The following FRMPD1 variants were observed in gnomAD, a reference collection of about 807,000 sequenced individuals.
The protein encoded by FRMPD1 is FERM and PDZ domain containing 1, also known as FERM and PDZ domain-containing protein 1.
A neutral mutation model predicts 117.8 loss-of-function variants in FRMPD1; 76 were observed. The ratio of observed to expected loss-of-function variants is 0.65; its 90% confidence interval spans 0.54 to 0.78. The LOEUF is 0.78. FRMPD1 is among the 30% of genes least tolerant of loss of function. The pLI, the probability that FRMPD1 is intolerant of heterozygous loss-of-function variation, is 0.00. For synonymous variants in FRMPD1, 783 were observed against 770.4 expected, an observed-to-expected ratio of 1.02 and a Z score of -0.27; for missense variants, 1,786 against 1,964.5, an observed-to-expected ratio of 0.91 and a Z score of 1.72.
the FRMPD1 span, among the ~76,000 whole-genome samples, chr9:37,627,986 G>A: frequency 6.6e-5 from 10 of 152,138 alleles, no homozygotes; most frequent in Non-Finnish European, 1.0e-4. Context: ...AGGTGCTCAG[G>A]AATAGGACCG....
chr9:37,648,642 T>A (rs1369170499), upstream of FRMPD1, among the ~76,000 whole-genome samples: 1 of 151,984 alleles, frequency 6.6e-6, no homozygotes, highest in Admixed American at 6.6e-5. Flanking sequence ...GAGACAGAGT[T>A]GATTGGACTT....
chr9:37,630,820 T>G, the FRMPD1 span, among the ~76,000 whole-genome samples: 2 of 152,176 alleles, frequency 1.3e-5, no homozygotes, highest in African/African-American at 2.4e-5. Context: ...TTTGTGGAGC[T>G]CCCATGATTT....
Position 37,729,864 on chromosome 9 carries a change from C to T in FRMPD1, c.738+11C>T. 1 of 1,612,042 alleles carries T rather than the reference C, an allele frequency of 6.2e-7. No homozygotes were observed. The highest frequency in any genetic ancestry group is 8.5e-7 in the Non-Finnish European group (1 of 1,179,082). On this transcript the variant is annotated intron_variant, in intron 8 of 15. Coordinates refer to ENST00000377765, the MANE Select transcript of FRMPD1 (RefSeq NM_014907.3). ...GAACTCATCCAGCAGGTAGGGAGGA[C>T]TGACCGCCTGTTCCTGGGAGGCATG... is the stretch of plus-strand genomic sequence containing the variant.
chr9:37,610,593 T>C, the FRMPD1 span, among the ~76,000 whole-genome samples: 3 of 115,670 alleles, frequency 2.6e-5, no homozygotes, highest in East Asian at 1.8e-3. Context: ...AACTATCACA[T>C]TCTTTTTTTT....
At chr9:37,640,343 G>T in the FRMPD1 span, among the ~76,000 whole-genome samples, 1 of 152,190 alleles carries the variant, frequency 6.6e-6, no homozygotes, top group Non-Finnish European at 1.5e-5. Flanking sequence ...AGTTATGGGG[G>T]AAGAAGGGGT....
rs41304841 is a variant in FRMPD1, at chr9:37,740,007, G to A, written c.1550-71G>A. 6.6e-3 allele frequency: 7,804 copies of A among 1,188,718 alleles called. 39 individuals are homozygous for A. The highest frequency in any genetic ancestry group is 7.6e-3 in the Non-Finnish European group (6,329 of 834,184). 73.6% of individuals were successfully genotyped at this position (1,188,718 alleles called of 1,614,324 possible). On this transcript the variant is annotated intron_variant, in intron 14 of 15. Coordinates refer to ENST00000377765, the MANE Select transcript of FRMPD1 (RefSeq NM_014907.3). This position sits in a 1 kb window ranked among gnomAD's most constrained non-coding sequence, Gnocchi z 4.2. ...TCTCGTCTGGCAGGGTTGGGTGGGGGTCAGGGGGCTAGAAGGACACATAGG... is the reference window on the plus strand; with the variant it reads ...TCTCGTCTGGCAGGGTTGGGTGGGGATCAGGGGGCTAGAAGGACACATAGG...
At chr9:37,710,842 C>T (rs1158066846) in intron 4 of FRMPD1, among the ~76,000 whole-genome samples, 6 of 151,586 alleles carry the variant, frequency 4.0e-5, no homozygotes, top group African/African-American at 1.5e-4. Flanking sequence ...CCTGTAGTCC[C>T]AGCTACTCGG....
At chr9:37,722,646 G>C (rs1823447800) in intron 6 of FRMPD1, among the ~76,000 whole-genome samples, 1 of 152,182 alleles carries the variant, frequency 6.6e-6, no homozygotes, top group East Asian at 1.9e-4. Flanking sequence ...ATAGAGATGA[G>C]TGCAGGGGGG....
At chr9:37,612,568 G>C in the FRMPD1 span, among the ~76,000 whole-genome samples, 1 of 148,448 alleles carries the variant, frequency 6.7e-6, no homozygotes, top group African/African-American at 2.5e-5. Context: ...TGCCAGGCTG[G>C]AGTGCAGTGG....
At chr9:37,683,440 C>T (rs943095817) in intron 1 of FRMPD1, among the ~76,000 whole-genome samples, 1 of 152,204 alleles carries the variant, frequency 6.6e-6, no homozygotes, top group African/African-American at 2.4e-5. Context: ...GGATCATTAT[C>T]ATTGTTTTTA....
upstream of FRMPD1, among the ~76,000 whole-genome samples, chr9:37,650,062 A>G (rs951162973): frequency 6.6e-6 from 1 of 152,186 alleles, no homozygotes; most frequent in East Asian, 1.9e-4. Context: ...TGTTACAGGA[A>G]CTGGACTGTA....
chr9:37,685,420 G>A (rs1459745731), intron 1 of FRMPD1, among the ~76,000 whole-genome samples: 1 of 151,934 alleles, frequency 6.6e-6, no homozygotes, highest in Non-Finnish European at 1.5e-5. Flanking sequence ...AAGGCGGGCG[G>A]ATCACAAAGT....
intron 1 of FRMPD1, among the ~76,000 whole-genome samples, chr9:37,687,652 A>G (rs1821995602): frequency 6.6e-6 from 1 of 152,264 alleles, no homozygotes; most frequent in Non-Finnish European, 1.5e-5. Context: ...TCTCAAAGAA[A>G]TATGATGTTA....
the FRMPD1 span, among the ~76,000 whole-genome samples, chr9:37,637,963 G>GCTTTCTTTCTTTCTTTCTTTCTTTCTTTC: frequency 1.0e-5 from 1 of 100,030 alleles, no homozygotes; most frequent in African/African-American, 3.8e-5. Context: ...AATGGTGTAT[G>GCTTTCTTTCTTTCTTTCTTTCTTTCTTTC]CTTTCTTTCT....
the FRMPD1 span, among the ~76,000 whole-genome samples, chr9:37,635,226 C>T: frequency 1.3e-5 from 2 of 152,102 alleles, no homozygotes; most frequent in Non-Finnish European, 2.9e-5. Context: ...CTTGCACCAA[C>T]CTTGAAGAAA....
the FRMPD1 span, among the ~76,000 whole-genome samples, chr9:37,625,103 C>G: frequency 6.6e-6 from 1 of 152,102 alleles, no homozygotes; most frequent in African/African-American, 2.4e-5. Flanking sequence ...CTAAGTATCC[C>G]AAGTCTGAAC....
rs2274324 is a variant in FRMPD1, at chr9:37,731,010, C to T, written c.765C>T (p.Asp255=). 56,872 of 1,613,454 alleles carry T rather than the reference C, an allele frequency of 0.035. 1,676 individuals are homozygous for T. Among genetic ancestry groups the T allele is most frequent in the East Asian group, 0.17 (7,609 of 44,874 alleles). ...QQVVEREESH[D]YRCLFRVCFV... ...TGGTAGAAAGGGAGGAGTCACATGA[C>T]TACCGCTGCCTCTTCAGGGTCTGTT... Residue 255 remains aspartate, a synonymous_variant, in exon 9 of 16, where the codon GAC becomes GAT. Coordinates refer to ENST00000377765, the MANE Select transcript of FRMPD1 (RefSeq NM_014907.3).
the FRMPD1 span, among the ~76,000 whole-genome samples, chr9:37,625,931 T>G: frequency 6.6e-6 from 1 of 152,226 alleles, no homozygotes; most frequent in Non-Finnish European, 1.5e-5. Context: ...TTGTTAAAAA[T>G]GTAAATGAGG....
intron 2 of FRMPD1, among the ~76,000 whole-genome samples, chr9:37,696,792 A>G (rs1165221877): frequency 1.3e-5 from 2 of 152,178 alleles, no homozygotes; most frequent in Admixed American, 1.3e-4. Context: ...TATTTTAGCA[A>G]TTCTGTTTTT....
Sources: gnomAD v4.1 joint callset for allele counts (sites outside exome capture counted in the v4.1 genomes callset) on GRCh38, gnomAD v4.1.1 for gene constraint, Gnocchi (gnomAD v3.1) non-coding constraint, MANE v1.5 for transcripts, NCBI Gene and HGNC (gene_info 2026-07-23, HGNC 2026-07-21) for gene names.